The following MDGA1 variants were observed in gnomAD, a reference collection of about 807,000 sequenced individuals.
MDGA1 encodes MAM domain-containing glycosylphosphatidylinositol anchor protein 1.
Under a neutral mutation model 101.5 loss-of-function variants are expected in MDGA1, and 54 were observed. The observed-to-expected ratio is 0.53, with a 90% confidence interval of 0.43 to 0.67. The LOEUF is 0.67. Ranked by LOEUF, MDGA1 falls within the 30% of genes least tolerant of loss-of-function variation. The pLI is 0.00. For missense variants in MDGA1, 1,083 were observed against 1,323.8 expected (o/e 0.82, Z 2.82); for synonymous variants, 533 against 558.3 (o/e 0.95, Z 0.64).
intron 1 of MDGA1, among the ~76,000 whole-genome samples, chr6:37,690,060 G>A (rs1762277373): frequency 1.3e-5 from 2 of 152,070 alleles, no homozygotes; most frequent in Admixed American, 1.3e-4. Flanking sequence ...TAACTCTCTG[G>A]CCCCACCTTC....
In MDGA1 at chr6:37,697,656, G is replaced by C. The variant is rs1212906138; in HGVS notation, c.-845C>G. 6.6e-6 allele frequency: 1 copy of C among 151,690 alleles called. No individual in the cohort carries two copies. The highest frequency in any genetic ancestry group is 1.5e-5 in the Non-Finnish European group (1 of 67,936). The allele number at this position is 151,690 out of a possible 1,614,324, so 9.4% of individuals were successfully genotyped here. On this transcript the variant is annotated 5_prime_UTR_variant, in exon 1 of 17. Transcript: ENST00000434837. ...GCGCCGCTCGCCGCCTCCGCTCGCC[G>C]CGCTCCTCTCCCGCCGTCTGGCCGC...
rs941563968 is a variant in MDGA1 at position 37,697,089 on chromosome 6, G to A, written c.-278C>T. On this transcript the variant is annotated 5_prime_UTR_variant, in exon 1 of 17. Transcript: ENST00000434837. Reference sequence around the variant, plus strand: ...ACAGCAGCCAGCGCCCCGACCCGAGGAGCCCGGCCGCCGAGCCGCCCCGGG... The same window carrying A: ...ACAGCAGCCAGCGCCCCGACCCGAGAAGCCCGGCCGCCGAGCCGCCCCGGG... 6.2e-6 allele frequency: 2 copies of A among 322,638 alleles called. No homozygotes were observed. Among genetic ancestry groups the A allele is most frequent in the African/African-American group, 2.2e-5 (1 of 46,012 alleles). The allele number at this position is 322,638 out of a possible 1,614,324, so 20.0% of individuals were successfully genotyped here.
In MDGA1 at chr6:37,635,697, G is replaced by A. The variant is rs933446174; in HGVS notation, c.*1671C>T. The A allele has an allele frequency of 7.5e-6, 3 of 398,556 alleles. No homozygotes were observed. Among genetic ancestry groups the A allele is most frequent in the African/African-American group, 6.2e-5 (3 of 48,624 alleles). 24.7% of individuals were successfully genotyped at this position (398,556 alleles called of 1,614,324 possible). A position where few individuals can be genotyped will look rare whatever the true frequency, so the allele number is the denominator to read the frequency against. On this transcript the variant is annotated 3_prime_UTR_variant, in exon 17 of 17. Coordinates refer to ENST00000434837, the MANE Select transcript of MDGA1 (RefSeq NM_153487.4). The stretch of plus-strand genomic sequence containing the variant: ...GCTGTCCCCACCAAATGCTCCAGAA[G>A]GAGCCCTGTGATGCTCCTCACCAAA...
intron 1 of MDGA1, among the ~76,000 whole-genome samples, chr6:37,679,568 G>A (rs1311686843): frequency 6.6e-6 from 1 of 152,082 alleles, no homozygotes; most frequent in Non-Finnish European, 1.5e-5. Context: ...TCTCTCTCCC[G>A]ATATTGTGAC....
chr6:37,650,059 G>A (rs1242116016), intron 8 of MDGA1, 50 bp downstream of exon 8: 2 of 1,608,004 alleles, frequency 1.2e-6, no homozygotes, highest in Admixed American at 3.3e-5. Context: ...GGCCGGCTGG[G>A]AGCCAGAAGG....
At chr6:37,647,990 G>A (rs879442881) in intron 9 of MDGA1, among the ~76,000 whole-genome samples, 5 of 152,172 alleles carry the variant, frequency 3.3e-5, no homozygotes, top group Admixed American at 1.3e-4. Flanking sequence ...TCTGCTCCAG[G>A]GGCGCTGCCA....
chr6:37,638,641 G>A lies in MDGA1; in HGVS notation c.2563C>T (p.Arg855Trp), dbSNP rs1462163414. 4.3e-6 allele frequency: 7 copies of A among 1,613,522 alleles called. No individual in the cohort carries two copies. The highest frequency in any genetic ancestry group is 4.5e-5 in the East Asian group (2 of 44,878). The change falls in exon 15 of 17, where the codon CGG (arginine) becomes TGG (tryptophan). Residue 855 changes from arginine (R) to tryptophan (W), a missense_variant. Physicochemically the swap from Arg to Trp is moderately radical, Grantham distance 101. Around this residue, in one of 3 missense-constraint regions of MDGA1, gnomAD observed 657 missense variants for 771.4 expected, o/e 0.85. Coordinates refer to ENST00000434837, the MANE Select transcript of MDGA1 (RefSeq NM_153487.4). The surrounding 1 kb of genome is among the most constrained non-coding windows in gnomAD (Gnocchi z 4.8). ...TGCGTGTCCAGAGCCCCTTTGTTCC[G>A]GGACCGCACCAGGAGGTTGAGGGAG... Reference protein sequence around the residue: ...IGSLNLLVRSRNKGALDTHAW... With the variant: ...IGSLNLLVRSWNKGALDTHAW...
intron 1 of MDGA1, among the ~76,000 whole-genome samples, chr6:37,676,530 G>T (rs1428581507): frequency 1.3e-5 from 2 of 152,206 alleles, no homozygotes; most frequent in Admixed American, 1.3e-4. Context: ...GGGCATCTGG[G>T]GACCCTGAGC....
chr6:37,685,540 C>T (rs938107501), intron 1 of MDGA1, among the ~76,000 whole-genome samples: 11 of 152,288 alleles, frequency 7.2e-5, no homozygotes, highest in Middle Eastern at 3.4e-3. Flanking sequence ...AGATCACCTC[C>T]GGACCAGAGC....
Position 37,652,317 on chromosome 6 carries a change from T to C in MDGA1, c.1006A>G (p.Ile336Val). The C allele has an allele frequency of 6.2e-7, 1 of 1,612,830 alleles. No individual in the cohort carries two copies. Among genetic ancestry groups the C allele is most frequent in the African/African-American group, 1.3e-5 (1 of 75,016 alleles). ...VRSMKNATFQ[I>V]TPDVIKESEN... ...CTCTCTTTGATCACGTCAGGAGTGA[T>C]CTGGAATGTAGCGTTCTTCATGGCT... Residue 336 changes from isoleucine (I) to valine (V), a missense_variant, in exon 7 of 17, where the codon ATC (isoleucine) becomes GTC (valine). Physicochemically the swap from Ile to Val is conservative, Grantham distance 29 (BLOSUM62 3). This residue lies in a region of MDGA1 where 116 missense variants were observed against 196.6 expected (regional missense o/e 0.59). Coordinates refer to ENST00000434837, the MANE Select transcript of MDGA1 (RefSeq NM_153487.4). The surrounding 1 kb of genome is among the most constrained non-coding windows in gnomAD (Gnocchi z 4.3).
At chr6:37,654,612 CTAGGAAAACCA>C in intron 5 of MDGA1, 69 bp from the exon 6 acceptor site, 1 of 1,605,074 alleles carries the variant, frequency 6.2e-7, no homozygotes, top group Non-Finnish European at 8.5e-7. Flanking sequence ...GAGTAAGGGG[CTAGGAAAACCA>C]TAGAGGCTGG....
intron 1 of MDGA1, among the ~76,000 whole-genome samples, chr6:37,688,268 G>T (rs1762238922): frequency 6.6e-6 from 1 of 152,192 alleles, no homozygotes. Context: ...CCACCTGCAG[G>T]GTTTCTGATT....
intron 1 of MDGA1, among the ~76,000 whole-genome samples, chr6:37,690,742 A>G (rs1581634942): frequency 7.0e-6 from 1 of 142,686 alleles, no homozygotes; most frequent in African/African-American, 2.7e-5. Context: ...GTGCCACTGC[A>G]CTCCAGCCTG....
At chr6:37,683,220 G>T (rs1762131530) in intron 1 of MDGA1, among the ~76,000 whole-genome samples, 2 of 152,212 alleles carry the variant, frequency 1.3e-5, no homozygotes, top group African/African-American at 4.8e-5. Flanking sequence ...TCTATCAGGA[G>T]AGTCTTGGAG....
chr6:37,685,165 G>A (rs1164294921), intron 1 of MDGA1, among the ~76,000 whole-genome samples: 1 of 152,100 alleles, frequency 6.6e-6, no homozygotes, highest in African/African-American at 2.4e-5. Flanking sequence ...AACCGGGTGT[G>A]GTGGCACATG....
Position 37,637,090 on chromosome 6 carries a change from A to C in MDGA1, c.*278T>G. ...AAGTCCCCTGTCTTTGCAGTAAAGA[A>C]GGTGCTGGCAGGTCAGATAGAAACT... On this transcript the variant is annotated 3_prime_UTR_variant, in exon 17 of 17. Transcript: ENST00000434837. The C allele has an allele frequency of 2.9e-6, 1 of 341,144 alleles. No individual in the cohort carries two copies. Among genetic ancestry groups the C allele is most frequent in the Non-Finnish European group, 5.4e-6 (1 of 186,734 alleles). 21.1% of individuals were successfully genotyped at this position (341,144 alleles called of 1,614,324 possible).
rs1763930360 is a variant in MDGA1, at chr6:37,636,421, AATTC to A, written c.*943_*946del. 2 of 152,216 alleles carry A rather than the reference AATTC, an allele frequency of 1.3e-5. No homozygotes were observed. Among genetic ancestry groups the A allele is most frequent in the Non-Finnish European group, 2.9e-5 (2 of 68,050 alleles). 9.4% of individuals were successfully genotyped at this position (152,216 alleles called of 1,614,324 possible). The stretch of plus-strand genomic sequence containing the variant: ...AAATGAAGGCCCCTCTCCACTTCCA[AATTC>A]ATTGTCTGATATGGGGGCACCAAAT... On this transcript the variant is annotated 3_prime_UTR_variant, in exon 17 of 17. Coordinates refer to ENST00000434837, the MANE Select transcript of MDGA1 (RefSeq NM_153487.4).
intron 1 of MDGA1, among the ~76,000 whole-genome samples, chr6:37,674,746 G>T (rs1039215217): frequency 6.6e-6 from 1 of 152,202 alleles, no homozygotes; most frequent in Non-Finnish European, 1.5e-5. Context: ...GTGGGTCCCA[G>T]GATGCCAGGA....
In MDGA1 at chr6:37,696,730, G is replaced by T. The variant is rs1216717185; in HGVS notation, c.67+15C>A. 2 of 1,571,156 alleles carry T rather than the reference G, an allele frequency of 1.3e-6. No homozygotes were observed. The highest frequency in any genetic ancestry group is 1.4e-5 in the African/African-American group (1 of 73,884). ...GCGAGGTTAAGCCAAGGTGGAGCGGGACGCGGGCTCTTACCGTAGACTCCT... is the reference window on the plus strand; with the variant it reads ...GCGAGGTTAAGCCAAGGTGGAGCGGTACGCGGGCTCTTACCGTAGACTCCT... On this transcript the variant is annotated intron_variant, in intron 1 of 16. Transcript: ENST00000434837. The surrounding 1 kb of genome is among the most constrained non-coding windows in gnomAD (Gnocchi z 5.6).
Sources: gnomAD v4.1 joint callset for allele counts (sites outside exome capture counted in the v4.1 genomes callset) on GRCh38, gnomAD v4.1.1 for gene constraint, gnomAD v4.1.1 regional missense constraint, Gnocchi (gnomAD v3.1) non-coding constraint, MANE v1.5 for transcripts, NCBI Gene and HGNC (gene_info 2026-07-23, HGNC 2026-07-21) for gene names.